The following LRSAM1 variants were observed in gnomAD, a reference collection of about 807,000 sequenced individuals.
The protein encoded by LRSAM1 is leucine rich repeat and sterile alpha motif containing 1.
A neutral mutation model predicts 118.1 loss-of-function variants in LRSAM1; 96 were observed. The observed-to-expected ratio is 0.81, with a 90% CI of 0.69 to 0.96. LRSAM1 has a LOEUF of 0.96. Ranked by LOEUF, LRSAM1 falls within the 40% of genes least tolerant of loss-of-function variation. LRSAM1 has a pLI of 0.00. For missense variants in LRSAM1, 804 were observed against 915.5 expected, an observed-to-expected ratio of 0.88 and a Z score of 1.57; for synonymous variants, 322 against 364.2, an observed-to-expected ratio of 0.88 and a Z score of 1.32.
At chr9:127,495,831 A>G in intron 22 of LRSAM1, 133 bp from the exon 23 acceptor site, 2 of 1,351,604 alleles carry the variant, frequency 1.5e-6, no homozygotes, top group Non-Finnish European at 2.0e-6. Flanking sequence ...GTGCCTACCT[A>G]TGAGTTTTTG....
intron 20 of LRSAM1, 133 bp from the exon 21 acceptor site, chr9:127,492,669 C>T: frequency 2.5e-6 from 2 of 792,934 alleles, no homozygotes; most frequent in Non-Finnish European, 4.3e-6. Context: ...TTAGCTTTGT[C>T]CCCCAACGCA....
At position 127,487,715 on chromosome 9, in the gene LRSAM1, G is replaced by A. The variant is rs755070977; in HGVS notation, c.1299G>A (p.Ser433=). 13 of 1,613,654 alleles carry A rather than the reference G, an allele frequency of 8.1e-6. No homozygotes were observed. The highest frequency in any genetic ancestry group is 5.3e-5 in the African/African-American group (4 of 74,914). The change falls in exon 18 of 26, where the codon TCG becomes TCA. Residue 433 remains serine (S), a synonymous_variant. Coordinates refer to ENST00000300417, the MANE Select transcript of LRSAM1 (RefSeq NM_001005373.4). ...ATGAACGATTCCAGCAGATTCTGTC[G>A]TGGCAGCAAATGGATCAGAACAAAG... The part of the protein sequence containing the change: ...EMDERFQQIL[S]WQQMDQNKAI...
chr9:127,455,516 A>G, intron 4 of LRSAM1, 60 bp from the exon 5 acceptor site: 1 of 1,554,614 alleles, frequency 6.4e-7, no homozygotes, highest in African/African-American at 1.4e-5. Flanking sequence ...AATGCCACTC[A>G]GAGAACAAGC....
At chr9:127,458,307 G>A (rs549230042) in intron 6 of LRSAM1, among the ~76,000 whole-genome samples, 12 of 151,782 alleles carry the variant, frequency 7.9e-5, no homozygotes, top group South Asian at 2.1e-4. Context: ...GCGTGAACCC[G>A]GGAAGCGGAG....
chr9:127,454,587 C>T lies in LRSAM1; in HGVS notation c.60C>T (p.Tyr20=), dbSNP rs1834446604. 6.2e-7 allele frequency: 1 copy of T among 1,613,732 alleles called. No homozygotes were observed. Among genetic ancestry groups the T allele is most frequent in the Admixed American group, 1.7e-5 (1 of 59,980 alleles). ...PSEEARKRLE[Y]QMCLAKEAGA... ...AGGAGGCTCGGAAACGCCTGGAGTA[C>T]CAGATGTGTTTGGTGAGGGAAAGTG... The change falls in exon 3 of 26, where the codon TAC becomes TAT. Residue 20 remains tyrosine, a synonymous_variant. Transcript: ENST00000300417.
intron 11 of LRSAM1, among the ~76,000 whole-genome samples, chr9:127,475,268 A>T (rs141852748): frequency 6.6e-6 from 1 of 152,236 alleles, no homozygotes; most frequent in Non-Finnish European, 1.5e-5. Context: ...AGGCTGGTGG[A>T]TCACTTGAGG....
intron 11 of LRSAM1, among the ~76,000 whole-genome samples, chr9:127,478,040 A>G (rs2249791): frequency 0.74 from 106,090 of 142,778 alleles, 39,668 homozygotes; most frequent in Non-Finnish European, 0.78. Flanking sequence ...CAACAAGAGC[A>G]AAACTCCGTC....
At chr9:127,492,054 ACTC>A (rs1309885043) in intron 20 of LRSAM1, among the ~76,000 whole-genome samples, 1 of 152,080 alleles carries the variant, frequency 6.6e-6, no homozygotes, top group African/African-American at 2.4e-5. Context: ...CATCCCATGG[ACTC>A]CTCAGTGCAG....
In LRSAM1 at chr9:127,467,720, G is replaced by C; in HGVS notation, c.529-20G>C. On this transcript the variant is annotated intron_variant, in intron 9 of 25. Transcript: ENST00000300417. The stretch of plus-strand genomic sequence containing the variant: ...TGCGTTGGTAGCGAACAGTAAAGCG[G>C]GTTACCCTTGTGTCTGCAGATGCTG... 1 of 1,603,242 alleles carries C rather than the reference G, an allele frequency of 6.2e-7. No individual in the cohort carries two copies. Among genetic ancestry groups the C allele is most frequent in the Non-Finnish European group, 8.5e-7 (1 of 1,175,350 alleles).
intron 9 of LRSAM1, among the ~76,000 whole-genome samples, chr9:127,462,855 TAAA>T (rs952273561): frequency 7.1e-6 from 1 of 141,016 alleles, no homozygotes; most frequent in Non-Finnish European, 1.6e-5. Flanking sequence ...AAAAAAAAGT[TAAA>T]AAAAAAAAAA....
At chr9:127,484,997 A>C (rs117795199) in intron 16 of LRSAM1, among the ~76,000 whole-genome samples, 4 of 151,442 alleles carry the variant, frequency 2.6e-5, no homozygotes, top group African/African-American at 9.7e-5. Flanking sequence ...TAGTACAGAC[A>C]CAGTTTCGCC....
chr9:127,497,897 G>A (rs968297150), intron 24 of LRSAM1, among the ~76,000 whole-genome samples: 5 of 152,236 alleles, frequency 3.3e-5, no homozygotes, highest in African/African-American at 9.6e-5. Flanking sequence ...GATCCATCCC[G>A]TGAGGAGGCA....
At position 127,455,448 on chromosome 9, in the gene LRSAM1, T is replaced by C. The variant is rs541806458; in HGVS notation, c.130-128T>C. 20 of 934,780 alleles carry C rather than the reference T, an allele frequency of 2.1e-5. No individual in the cohort carries two copies. In the South Asian group the frequency reaches 2.4e-4, roughly 11 times the overall value. 57.9% of individuals were successfully genotyped at this position (934,780 alleles called of 1,614,324 possible). ...CCAGCCTTGCCCCTGGGCTCAGCAC[T>C]GCCACCTGCTGTGGCGTTTTGCCCT... On this transcript the variant is annotated intron_variant, in intron 4 of 25. Coordinates refer to ENST00000300417, the MANE Select transcript of LRSAM1 (RefSeq NM_001005373.4).
intron 21 of LRSAM1, among the ~76,000 whole-genome samples, chr9:127,494,013 C>A (rs942597857): frequency 2.0e-5 from 3 of 152,218 alleles, no homozygotes; most frequent in African/African-American, 7.2e-5. Flanking sequence ...CTCACGGTGC[C>A]CTACTGCCAT....
chr9:127,476,487 T>G (rs1322961614), intron 11 of LRSAM1, among the ~76,000 whole-genome samples: 2 of 152,026 alleles, frequency 1.3e-5, no homozygotes, highest in Non-Finnish European at 1.5e-5. Context: ...GGTTGGAGTT[T>G]GCAGTGAGCT....
At chr9:127,467,660 A>C in intron 9 of LRSAM1, 80 bp from the exon 10 acceptor site, 1 of 1,354,146 alleles carries the variant, frequency 7.4e-7, no homozygotes. Flanking sequence ...GACAGAGAAC[A>C]CACAAATTGA....
intron 18 of LRSAM1, among the ~76,000 whole-genome samples, chr9:127,488,953 CCT>C (rs1835830092): frequency 6.6e-6 from 1 of 152,246 alleles, no homozygotes; most frequent in South Asian, 2.1e-4. Flanking sequence ...GCCTTTCTCC[CCT>C]GTCCTCTGCG....
chr9:127,471,299 T>C (rs766760217), intron 10 of LRSAM1, among the ~76,000 whole-genome samples: 3 of 150,386 alleles, frequency 2.0e-5, no homozygotes, highest in African/African-American at 4.9e-5. Flanking sequence ...ATGGCAAAAC[T>C]TCATCTCTAC....
chr9:127,472,144 T>C (rs1295478221), intron 10 of LRSAM1, among the ~76,000 whole-genome samples: 1 of 151,384 alleles, frequency 6.6e-6, no homozygotes, highest in Non-Finnish European at 1.5e-5. Flanking sequence ...GTATTTTTAG[T>C]AGAGACGGGG....
Sources: gnomAD v4.1 joint callset for allele counts (sites outside exome capture counted in the v4.1 genomes callset) on GRCh38, gnomAD v4.1.1 for gene constraint, MANE v1.5 for transcripts, NCBI Gene and HGNC (gene_info 2026-07-23, HGNC 2026-07-21) for gene names.